Variants in TNIK observed in about 807,000 individuals in gnomAD.
TNIK encodes TRAF2 and NCK-interacting protein kinase.
Under a neutral mutation model 191.3 loss-of-function variants are expected in TNIK, and 49 were observed. That is an observed-to-expected ratio of 0.26 (90% CI 0.20 to 0.32). TNIK has a LOEUF of 0.32. Among genes scored for constraint, TNIK ranks in the 10% least tolerant of loss-of-function variants. TNIK has a pLI of 1.00. For synonymous variants in TNIK, 594 were observed against 600.9 expected (o/e 0.99, Z 0.17); for missense variants, 1,155 against 1,702.3 (o/e 0.68, Z 5.66).
rs966878668 is a variant in TNIK, at chr3:171,079,398, A to G, written c.3448+120T>C. 1.2e-5 allele frequency: 14 copies of G among 1,163,644 alleles called. No homozygotes were observed. The Admixed American group carries it at 2.5e-4, about 21-fold the overall frequency. 72.1% of individuals were successfully genotyped at this position (1,163,644 alleles called of 1,614,324 possible). A position where few individuals can be genotyped will look rare whatever the true frequency, so the allele number is the denominator to read the frequency against. ...ATAAATAATGCTGAAGGTTCCAGCA[A>G]CATCTGAAGCTGGTCACACATGCAT... On this transcript the variant is annotated intron_variant, in intron 28 of 32. Coordinates refer to ENST00000436636, the MANE Select transcript of TNIK (RefSeq NM_015028.4).
At chr3:171,367,501 ACT>A (rs1715905656) in intron 2 of TNIK, among the ~76,000 whole-genome samples, 4 of 150,642 alleles carry the variant, frequency 2.7e-5, no homozygotes, top group Admixed American at 2.7e-4. Context: ...ACAGAGTCCC[ACT>A]CTCTCGCCCA....
intron 2 of TNIK, among the ~76,000 whole-genome samples, chr3:171,304,872 TG>T (rs1753260553): frequency 7.0e-6 from 1 of 143,076 alleles, no homozygotes; most frequent in Non-Finnish European, 1.5e-5. Context: ...GTGGGGGGAG[TG>T]GGGAAGGATA....
chr3:171,130,539 A>G (rs1356086354), intron 15 of TNIK, among the ~76,000 whole-genome samples: 1 of 152,228 alleles, frequency 6.6e-6, no homozygotes, highest in Non-Finnish European at 1.5e-5. Context: ...TATTGCATTG[A>G]GCAAAAGAAC....
intron 2 of TNIK, among the ~76,000 whole-genome samples, chr3:171,296,337 C>T (rs1417985707): frequency 6.6e-6 from 1 of 152,170 alleles, no homozygotes; most frequent in Non-Finnish European, 1.5e-5. Flanking sequence ...GTAAAAAGGG[C>T]ACCTGATACT....
intron 1 of TNIK, among the ~76,000 whole-genome samples, chr3:171,377,476 A>G (rs1286682499): frequency 6.6e-6 from 1 of 152,254 alleles, no homozygotes; most frequent in Non-Finnish European, 1.5e-5. Flanking sequence ...CCTCGGATTA[A>G]TCACTGCAAA....
intron 12 of TNIK, among the ~76,000 whole-genome samples, 160 bp downstream of exon 12, chr3:171,157,300 G>A (rs914438232): frequency 1.3e-5 from 2 of 152,216 alleles, no homozygotes; most frequent in Non-Finnish European, 2.9e-5. Flanking sequence ...GAAGCCTTTT[G>A]TTTGTAAGAG....
intron 2 of TNIK, among the ~76,000 whole-genome samples, chr3:171,360,583 G>T (rs1448408585): frequency 1.3e-5 from 2 of 152,196 alleles, no homozygotes; most frequent in Non-Finnish European, 2.9e-5. Flanking sequence ...TGAGTCTCAA[G>T]GCCAAGACTC....
intron 2 of TNIK, among the ~76,000 whole-genome samples, chr3:171,338,822 T>C (rs1757239407): frequency 6.6e-6 from 1 of 152,100 alleles, no homozygotes; most frequent in South Asian, 2.1e-4. Flanking sequence ...CTTATCTCTT[T>C]ATAGGAATTG....
intron 1 of TNIK, among the ~76,000 whole-genome samples, chr3:171,405,083 T>C (rs1229393497): frequency 6.6e-6 from 1 of 152,182 alleles, no homozygotes. Context: ...GTAGATACAA[T>C]CATTATCCAT....
At chr3:171,454,084 G>C (rs1728510537) in intron 1 of TNIK, among the ~76,000 whole-genome samples, 1 of 152,218 alleles carries the variant, frequency 6.6e-6, no homozygotes, top group South Asian at 2.1e-4. Context: ...TTTAGGCCCT[G>C]TTCTCAGAGA....
In TNIK at chr3:171,191,405, G is replaced by A. The variant is rs150567453; in HGVS notation, c.418-618C>T. Among the ~76,000 whole-genome samples, 547 of 152,202 alleles carry A rather than the reference G, an allele frequency of 3.6e-3. 3 individuals carry two copies. The highest frequency in any genetic ancestry group is 0.012 in the African/African-American group (513 of 41,524). On this transcript the variant is annotated intron_variant, in intron 5 of 32. Transcript: ENST00000436636. The stretch of plus-strand genomic sequence containing the variant: ...TTACAGGTGCCTGCCACCACGCCAG[G>A]CTAATTTATTTTAGTACAGACAGGG...
At chr3:171,213,342 C>T (rs1456695053) in intron 3 of TNIK, among the ~76,000 whole-genome samples, 1 of 152,086 alleles carries the variant, frequency 6.6e-6, no homozygotes, top group Non-Finnish European at 1.5e-5. Context: ...AGCACAGCAT[C>T]GACAGCTGCT....
In TNIK at chr3:171,441,147, G is replaced by A. The variant is rs114763641; in HGVS notation, c.57+18860C>T. Reference sequence around the variant, plus strand: ...ACCTGACTAGGAAATTTGCCTTCACGGTGTGTGGAGCTGGTCAACTATGAA... The same window carrying A: ...ACCTGACTAGGAAATTTGCCTTCACAGTGTGTGGAGCTGGTCAACTATGAA... On this transcript the variant is annotated intron_variant, in intron 1 of 32. Coordinates refer to ENST00000436636, the MANE Select transcript of TNIK (RefSeq NM_015028.4). Among the ~76,000 whole-genome samples, 270 of 152,198 alleles carry A rather than the reference G, an allele frequency of 1.8e-3. 1 individual carries two copies. Among genetic ancestry groups the A allele is most frequent in the African/African-American group, 6.2e-3 (257 of 41,524 alleles).
chr3:171,284,546 CT>C (rs1248850980), intron 2 of TNIK, among the ~76,000 whole-genome samples: 3 of 152,014 alleles, frequency 2.0e-5, no homozygotes, highest in African/African-American at 7.3e-5. Flanking sequence ...TGCATCATGT[CT>C]TGACTTCTCT....
intron 2 of TNIK, among the ~76,000 whole-genome samples, chr3:171,357,805 T>A (rs1427209252): frequency 2.6e-5 from 4 of 152,100 alleles, no homozygotes; most frequent in African/African-American, 9.7e-5. Context: ...ACAGCACGGA[T>A]AAACAGACAC....
At chr3:171,426,364 T>A (rs1010128301) in intron 1 of TNIK, among the ~76,000 whole-genome samples, 8 of 130,686 alleles carry the variant, frequency 6.1e-5, no homozygotes, top group African/African-American at 8.8e-5. Flanking sequence ...ATGAGAACAC[T>A]CGGACACAGG....
At chr3:171,368,015 C>T (rs1715982229) in intron 2 of TNIK, among the ~76,000 whole-genome samples, 1 of 151,896 alleles carries the variant, frequency 6.6e-6, no homozygotes, top group Non-Finnish European at 1.5e-5. Flanking sequence ...AAATATCTTC[C>T]CTCTCTAAAA....
At chr3:171,321,283 A>G (rs1755138079) in intron 2 of TNIK, among the ~76,000 whole-genome samples, 1 of 152,234 alleles carries the variant, frequency 6.6e-6, no homozygotes, top group African/African-American at 2.4e-5. Context: ...GGTCAAAGGC[A>G]GCATCTGTTG....
intron 7 of TNIK, among the ~76,000 whole-genome samples, chr3:171,186,972 A>C (rs1737442561): frequency 6.6e-6 from 1 of 152,220 alleles, no homozygotes; most frequent in Admixed American, 6.5e-5. Flanking sequence ...ACCCTACTGA[A>C]AACAAGTCAG....
Sources: allele counts gnomAD v4.1 joint callset (sites outside exome capture counted in the v4.1 genomes callset), GRCh38; gene constraint gnomAD v4.1.1; transcripts MANE v1.5; gene names NCBI Gene and HGNC (gene_info 2026-07-23, HGNC 2026-07-21).